Variants in PTPRD observed in about 807,000 individuals in gnomAD.
The protein encoded by PTPRD is receptor-type tyrosine-protein phosphatase delta.
A neutral mutation model predicts 214.5 loss-of-function variants in PTPRD; 34 were observed. The ratio of observed to expected loss-of-function variants is 0.16; its 90% CI spans 0.12 to 0.21. The LOEUF (loss-of-function observed/expected upper bound fraction) is 0.21. Ranked by LOEUF, PTPRD falls within the 10% of genes least tolerant of loss-of-function variation. The pLI is 1.00. For synonymous variants in PTPRD, 1,128 were observed against 845.7 expected, an observed-to-expected ratio of 1.33 and a Z score of -5.79; for missense variants, 2,545 against 2,398.7, an observed-to-expected ratio of 1.06 and a Z score of -1.27.
At chr9:9,925,403 G>A (rs1035745462) in intron 5 of PTPRD, among the ~76,000 whole-genome samples, 1 of 152,048 alleles carries the variant, frequency 6.6e-6, no homozygotes, top group African/African-American at 2.4e-5. Flanking sequence ...ACTGCTGAAT[G>A]TTTGGTATTT....
intron 9 of PTPRD, among the ~76,000 whole-genome samples, chr9:9,225,379 A>G (rs142554793): frequency 1.3e-5 from 2 of 152,148 alleles, no homozygotes; most frequent in East Asian, 1.9e-4. Context: ...TCGAAGACCA[A>G]CCATCGTAAG....
intron 11 of PTPRD, among the ~76,000 whole-genome samples, chr9:8,897,224 G>A (rs1353934373): frequency 3.9e-5 from 6 of 152,108 alleles, no homozygotes; most frequent in African/African-American, 1.4e-4. Flanking sequence ...TCGAACAAGC[G>A]TAAGTTGTAG....
intron 9 of PTPRD, among the ~76,000 whole-genome samples, chr9:9,354,861 T>C (rs1235923011): frequency 6.6e-6 from 1 of 151,602 alleles, no homozygotes; most frequent in Non-Finnish European, 1.5e-5. Context: ...GGAAAAATAA[T>C]GGAGGGTGAG....
chr9:9,526,041 G>A (rs999889355), intron 8 of PTPRD, among the ~76,000 whole-genome samples: 9 of 151,998 alleles, frequency 5.9e-5, no homozygotes, highest in Admixed American at 2.0e-4. Flanking sequence ...AGGTAGATAC[G>A]CATACCAAAG....
intron 11 of PTPRD, among the ~76,000 whole-genome samples, chr9:9,005,484 G>A (rs1005632212): frequency 2.0e-5 from 3 of 151,960 alleles, no homozygotes; most frequent in Admixed American, 1.3e-4. Context: ...TGCCAAACAA[G>A]GAAGTATGAA....
At chr9:10,456,681 C>G (rs1053082950) in intron 2 of PTPRD, among the ~76,000 whole-genome samples, 8 of 151,864 alleles carry the variant, frequency 5.3e-5, no homozygotes, top group African/African-American at 1.7e-4. Context: ...AGAGATTCAT[C>G]TTTTTCAGTG....
intron 2 of PTPRD, among the ~76,000 whole-genome samples, chr9:10,559,817 A>G (rs1309192160): frequency 6.6e-6 from 1 of 152,150 alleles, no homozygotes; most frequent in Non-Finnish European, 1.5e-5. Flanking sequence ...AATGCTCACC[A>G]TCACTGGCCA....
At chr9:8,666,219 G>A (rs1004212499) in intron 12 of PTPRD, among the ~76,000 whole-genome samples, 1 of 152,212 alleles carries the variant, frequency 6.6e-6, no homozygotes, top group East Asian at 1.9e-4. Context: ...CAACATTTGA[G>A]CAAATCATTA....
At chr9:9,512,289 T>C (rs1426807502) in intron 8 of PTPRD, among the ~76,000 whole-genome samples, 2 of 151,818 alleles carry the variant, frequency 1.3e-5, no homozygotes, top group Non-Finnish European at 2.9e-5. Context: ...TCAAAGATGA[T>C]TGAGCAGGTG....
rs765377461 is a variant in PTPRD, at chr9:9,347,898, C to T, written c.-203+49551G>A. Among the ~76,000 whole-genome samples the T allele has an allele frequency of 3.9e-5, 6 of 152,242 alleles. No individual in the cohort carries two copies. The South Asian group carries it at 6.2e-4, about 16-fold the overall frequency. The stretch of plus-strand genomic sequence containing the variant: ...AGCTCATTACCACTGCCATTAAAAG[C>T]GTCCTATGTCATTGCTTATGTCCTT... On this transcript the variant is annotated intron_variant, in intron 9 of 45. Coordinates refer to ENST00000381196, the MANE Select transcript of PTPRD (RefSeq NM_002839.4).
chr9:9,001,547 T>C (rs1340601977), intron 11 of PTPRD, among the ~76,000 whole-genome samples: 3 of 151,988 alleles, frequency 2.0e-5, no homozygotes, highest in African/African-American at 4.8e-5. Flanking sequence ...TTAGGTTCAA[T>C]ACTTAAAGCT....
intron 5 of PTPRD, among the ~76,000 whole-genome samples, chr9:9,805,974 G>A (rs1457951516): frequency 1.3e-5 from 2 of 152,160 alleles, no homozygotes; most frequent in Non-Finnish European, 2.9e-5. Context: ...AGCTTACACA[G>A]AGGTAGCTTT....
chr9:10,595,616 C>G (rs867705565), intron 2 of PTPRD, among the ~76,000 whole-genome samples: 8 of 151,236 alleles, frequency 5.3e-5, no homozygotes, highest in African/African-American at 1.7e-4. Flanking sequence ...TTTAATATTT[C>G]TGGGTACTTT....
chr9:9,003,553 A>G (rs1264602002), intron 11 of PTPRD, among the ~76,000 whole-genome samples: 4 of 152,048 alleles, frequency 2.6e-5, no homozygotes, highest in Non-Finnish European at 5.9e-5. Flanking sequence ...GCTGGATCTC[A>G]GTGTTCATTT....
chr9:10,122,781 T>C (rs1440572828), intron 3 of PTPRD, among the ~76,000 whole-genome samples: 2 of 152,162 alleles, frequency 1.3e-5, no homozygotes, highest in South Asian at 4.1e-4. Context: ...GAAAGGGACC[T>C]AAACCATATT....
At chr9:8,541,650 C>A (rs1025608221) in intron 14 of PTPRD, among the ~76,000 whole-genome samples, 4 of 152,060 alleles carry the variant, frequency 2.6e-5, no homozygotes, top group Non-Finnish European at 4.4e-5. Flanking sequence ...TACCAGCATG[C>A]GTCACTGCGC....
intron 11 of PTPRD, among the ~76,000 whole-genome samples, chr9:8,823,052 T>G (rs908236275): frequency 2.0e-4 from 30 of 152,166 alleles, no homozygotes; most frequent in African/African-American, 6.8e-4. Context: ...GTAAGACATT[T>G]AATACTCAGG....
intron 30 of PTPRD, among the ~76,000 whole-genome samples, chr9:8,478,684 G>A (rs1201403389): frequency 6.6e-6 from 1 of 152,140 alleles, no homozygotes; most frequent in Non-Finnish European, 1.5e-5. Flanking sequence ...AAGCACCACA[G>A]AATTCCTGAT....
intron 12 of PTPRD, among the ~76,000 whole-genome samples, chr9:8,685,026 A>C (rs1220523498): frequency 6.6e-6 from 1 of 152,116 alleles, no homozygotes; most frequent in Non-Finnish European, 1.5e-5. Context: ...CTGTGTTTGC[A>C]TCCGGGGCTG....
Sources: allele counts gnomAD v4.1 joint callset (sites outside exome capture counted in the v4.1 genomes callset), GRCh38; gene constraint gnomAD v4.1.1; transcripts MANE v1.5; gene names NCBI Gene and HGNC (gene_info 2026-07-23, HGNC 2026-07-21).